The following ZNF611 variants were observed in gnomAD, a reference collection of about 807,000 sequenced individuals.
The protein encoded by ZNF611 is zinc finger protein 611.
A neutral mutation model predicts 8.9 loss-of-function variants in ZNF611; 6 were observed. That is an observed-to-expected ratio of 0.68 (90% CI 0.37 to 1.34). The LOEUF is 1.34. Among genes scored for constraint, ZNF611 ranks in the 40% most tolerant of loss-of-function variants. The pLI, the probability that ZNF611 is intolerant of heterozygous loss-of-function variation, is 0.02. For missense variants in ZNF611, 874 were observed against 841.3 expected, an observed-to-expected ratio of 1.04 and a Z score of -0.48; for synonymous variants, 262 against 279.7, an observed-to-expected ratio of 0.94 and a Z score of 0.63.
At chr19:52,708,828 C>A (rs1471254515) in intron 5 of ZNF611, 1 of 151,978 alleles carries the variant, frequency 6.6e-6, no homozygotes, top group East Asian at 1.9e-4. Context: ...CAGGGCAAGA[C>A]TCCGTCTCAA....
intron 1 of ZNF611, among the ~76,000 whole-genome samples, chr19:52,730,830 C>G (rs900574758): frequency 6.6e-6 from 1 of 152,094 alleles, no homozygotes; most frequent in African/African-American, 2.4e-5. Flanking sequence ...GTGATTCACC[C>G]GCATCAGCCT....
At chr19:52,726,303 G>A (rs555062725) in intron 3 of ZNF611, among the ~76,000 whole-genome samples, 6 of 152,228 alleles carry the variant, frequency 3.9e-5, no homozygotes, top group Non-Finnish European at 8.8e-5. Context: ...AGGAAGCAGC[G>A]GCGGGAGAAT....
intron 1 of ZNF611, among the ~76,000 whole-genome samples, chr19:52,731,379 AT>A (rs112061745): frequency 6.8e-6 from 1 of 146,800 alleles, no homozygotes; most frequent in South Asian, 2.2e-4. Context: ...CTTTTTCTTT[AT>A]TTTTTTTTCA....
At chr19:52,725,617 A>C (rs1328924943) in intron 3 of ZNF611, among the ~76,000 whole-genome samples, 2 of 152,140 alleles carry the variant, frequency 1.3e-5, no homozygotes, top group Non-Finnish European at 2.9e-5. Context: ...TGGGTGAAGG[A>C]AGACAGGCAA....
At chr19:52,718,796 CA>C (rs1230499437) in intron 3 of ZNF611, among the ~76,000 whole-genome samples, 1 of 151,224 alleles carries the variant, frequency 6.6e-6, no homozygotes, top group Non-Finnish European at 1.5e-5. Flanking sequence ...AAAACTCAGT[CA>C]AAAAACAAAC....
At chr19:52,726,807 CAGTT>C (rs1446431234) in intron 3 of ZNF611, among the ~76,000 whole-genome samples, 2 of 151,350 alleles carry the variant, frequency 1.3e-5, no homozygotes, top group East Asian at 3.9e-4. Context: ...TGTGGATATC[CAGTT>C]AGTTGTCCCG....
At position 52,704,275 on chromosome 19, in the gene ZNF611, T is replaced by C. The variant is rs73063462; in HGVS notation, c.*662A>G. The C allele has an allele frequency of 0.13, 68,106 of 510,860 alleles. 5,150 individuals carry two copies. Among genetic ancestry groups the C allele is most frequent in the Middle Eastern group, 0.17 (530 of 3,130 alleles). 31.6% of individuals were successfully genotyped at this position (510,860 alleles called of 1,614,324 possible). ...GCTATACTCATTTCATTGGGAACGG[T>C]TATCTCAAAAATGAATTTTCTGATG... On this transcript the variant is annotated 3_prime_UTR_variant, in exon 6 of 6. Transcript: ENST00000652185.
At chr19:52,719,606 C>T (rs910587685) in intron 3 of ZNF611, among the ~76,000 whole-genome samples, 29 of 152,198 alleles carry the variant, frequency 1.9e-4, no homozygotes, top group Admixed American at 1.9e-3. Flanking sequence ...CAACTCACCG[C>T]TCATCTGCAC....
intron 1 of ZNF611, among the ~76,000 whole-genome samples, chr19:52,732,886 C>G (rs908633912): frequency 6.6e-6 from 1 of 151,762 alleles, no homozygotes; most frequent in African/African-American, 2.4e-5. Flanking sequence ...CTTAAGAGGT[C>G]GAGGCTGCAG....
Position 52,704,827 on chromosome 19 carries a change from C to G in ZNF611, c.*110G>C. ...ATGTTGTTCCAGGTGTGAATCACTC[C>G]CAAGTCTTGTCAGAAACCTTACATT... is the stretch of plus-strand genomic sequence containing the variant. On this transcript the variant is annotated 3_prime_UTR_variant, in exon 6 of 6. Transcript: ENST00000652185. The G allele has an allele frequency of 6.2e-7, 1 of 1,604,334 alleles. No individual in the cohort carries two copies. Among genetic ancestry groups the G allele is most frequent in the Non-Finnish European group, 8.5e-7 (1 of 1,172,378 alleles).
Position 52,705,559 on chromosome 19 carries a change from A to G in ZNF611, c.1496T>C (p.Ile499Thr). ...KTFGQNSDLL[I>T]HKSIHTGEQP... ...CTCCCCAGTATGAATTGACTTATGA[A>G]TTAAAAGATCTGAATTTTGACCAAA... The change falls in exon 6 of 6, where the codon ATT becomes ACT. Residue 499 changes from isoleucine (I) to threonine (T), a missense_variant. By Grantham distance (89) the Ile-to-Thr change is moderately conservative. Coordinates refer to ENST00000652185, the MANE Select transcript of ZNF611 (RefSeq NM_001161499.2). 6.2e-7 allele frequency: 1 copy of G among 1,613,768 alleles called. No individual in the cohort carries two copies. The highest frequency in any genetic ancestry group is 2.2e-5 in the East Asian group (1 of 44,802).
At chr19:52,716,356 C>T (rs2062317275) in intron 3 of ZNF611, 1 of 155,610 alleles carries the variant, frequency 6.4e-6, no homozygotes, top group Non-Finnish European at 1.4e-5. Flanking sequence ...GGGTTCCATC[C>T]CGTCAGAATA....
At chr19:52,711,256 C>T (rs970656901) in intron 5 of ZNF611, 26 of 151,856 alleles carry the variant, frequency 1.7e-4, no homozygotes, top group African/African-American at 6.0e-4. Flanking sequence ...CATTTGAATC[C>T]GGGAGGTGGA....
rs189390898 is a variant in ZNF611, at chr19:52,705,766, T to G, written c.1289A>C (p.Glu430Ala). 3.1e-6 allele frequency: 5 copies of G among 1,614,112 alleles called. No homozygotes were observed. In the East Asian group the frequency reaches 1.1e-4, roughly 36 times the overall value. Residue 430 changes from glutamate to alanine, a missense_variant, in exon 6 of 6, where the codon GAG becomes GCG. Glu to Ala is a moderately radical substitution (Grantham distance 107). Coordinates refer to ENST00000652185, the MANE Select transcript of ZNF611 (RefSeq NM_001161499.2). ...HTAKKTYKCN[E>A]CGKTFSHKSS... ...CTTGTGACTGAAGGTCTTGCCACAC[T>G]CATTACATTTATAAGTTTTCTTTGC...
At chr19:52,714,521 C>T (rs906047769) in intron 4 of ZNF611, among the ~76,000 whole-genome samples, 9 of 151,226 alleles carry the variant, frequency 6.0e-5, no homozygotes, top group African/African-American at 2.2e-4. Context: ...AAAACTGTCT[C>T]TCCTAAAAAT....
chr19:52,706,222 T>C lies in ZNF611; in HGVS notation c.833A>G (p.Asp278Gly), dbSNP rs759835303. 18 of 1,614,056 alleles carry C rather than the reference T, an allele frequency of 1.1e-5. No homozygotes were observed. In the Admixed American group the frequency reaches 1.2e-4, roughly 10 times the overall value. ...AGGTTTCTCAACAGTGTGACATCTATCATGGCATGCAAGGTATTGCTCGTG... is the reference window on the plus strand; with the variant it reads ...AGGTTTCTCAACAGTGTGACATCTACCATGGCATGCAAGGTATTGCTCGTG... ...FNHEQYLACH[D>G]RCHTVEKPYK... Residue 278 changes from aspartate (D) to glycine (G), a missense_variant, in exon 6 of 6, where the codon GAT becomes GGT. Physicochemically the swap from Asp to Gly is moderately conservative, Grantham distance 94 (BLOSUM62 -1). Transcript: ENST00000652185.
In ZNF611 at chr19:52,706,352, T is replaced by G; in HGVS notation, c.703A>C (p.Lys235Gln). ...CTACAATTAAAGGCTTTGCCACTCT[T>G]ATTACATTGGAAAGATTTTTCTCTC... ...HMREKSFQCN[K>Q]SGKAFNCSSL... Residue 235 changes from lysine (K) to glutamine (Q), a missense_variant, in exon 6 of 6, where the codon AAG (lysine) becomes CAG (glutamine). Transcript: ENST00000652185. The G allele has an allele frequency of 6.2e-7, 1 of 1,614,184 alleles. No homozygotes were observed. The highest frequency in any genetic ancestry group is 8.5e-7 in the Non-Finnish European group (1 of 1,180,034).
intron 1 of ZNF611, among the ~76,000 whole-genome samples, chr19:52,733,475 C>CT (rs2062437785): frequency 6.6e-6 from 1 of 151,978 alleles, no homozygotes; most frequent in African/African-American, 2.4e-5. Context: ...TATTTACTTA[C>CT]TTTTTTGGCG....
Position 52,705,793 on chromosome 19 carries a change from G to T in ZNF611, c.1262C>A (p.Thr421Asn), listed in dbSNP as rs1476685781. 1.2e-6 allele frequency: 2 copies of T among 1,613,848 alleles called. No individual in the cohort carries two copies. The highest frequency in any genetic ancestry group is 1.7e-5 in the Admixed American group (1 of 59,988). ...ATTACATTTATAAGTTTTCTTTGCA[G>T]TATGAATTCTTCTATGTCGAGCCAG... ...SQLARHRRIH[T>N]AKKTYKCNEC... is the part of the protein sequence containing the mutation. The change falls in exon 6 of 6, where the codon ACT (threonine) becomes AAT (asparagine). Residue 421 changes from threonine to asparagine, a missense_variant. Coordinates refer to ENST00000652185, the MANE Select transcript of ZNF611 (RefSeq NM_001161499.2).
Sources: allele counts gnomAD v4.1 joint callset (sites outside exome capture counted in the v4.1 genomes callset), GRCh38; gene constraint gnomAD v4.1.1; transcripts MANE v1.5; gene names NCBI Gene and HGNC (gene_info 2026-07-23, HGNC 2026-07-21).